The following SLC25A26 variants were observed in gnomAD, a reference collection of about 807,000 sequenced individuals.
SLC25A26 encodes solute carrier family 25 member 26, also known as mitochondrial S-adenosylmethionine carrier protein.
In SLC25A26, 36 loss-of-function variants were observed where a neutral mutation model predicts 37.8. The observed-to-expected ratio is 0.95, with a 90% CI of 0.73 to 1.26. The LOEUF is 1.26. Ranked by LOEUF, SLC25A26 falls within the 50% of genes most tolerant of loss-of-function variation. The pLI is 0.00. For missense variants in SLC25A26, 390 were observed against 331.1 expected (o/e 1.18, Z -1.38); for synonymous variants, 129 against 122.5 (o/e 1.05, Z -0.35).
At chr3:66,211,941 C>T (rs2071289488) in intron 1 of SLC25A26, among the ~76,000 whole-genome samples, 1 of 152,168 alleles carries the variant, frequency 6.6e-6, no homozygotes, top group Non-Finnish European at 1.5e-5. Context: ...TCATCTTCCC[C>T]AACTGATACT....
intron 5 of SLC25A26, among the ~76,000 whole-genome samples, chr3:66,326,621 C>T (rs999642072): frequency 6.6e-6 from 1 of 152,200 alleles, no homozygotes; most frequent in Admixed American, 6.5e-5. Context: ...GGTTCACCTC[C>T]AGTTTCATGC....
intron 5 of SLC25A26, among the ~76,000 whole-genome samples, chr3:66,312,214 G>A (rs1010593844): frequency 6.6e-6 from 1 of 152,228 alleles, no homozygotes; most frequent in African/African-American, 2.4e-5. Context: ...TAGAGAGGCA[G>A]TCTGGCTACT....
chr3:66,162,683 A>G (rs2070377225), intron 1 of SLC25A26, among the ~76,000 whole-genome samples: 2 of 152,226 alleles, frequency 1.3e-5, no homozygotes, highest in Admixed American at 6.5e-5. Context: ...TTAAATTAAC[A>G]TGATATCTAA....
chr3:66,160,152 G>A (rs889986622), intron 1 of SLC25A26, among the ~76,000 whole-genome samples: 1 of 152,066 alleles, frequency 6.6e-6, no homozygotes, highest in Admixed American at 6.6e-5. Flanking sequence ...ACAGTCATGC[G>A]CCACCACACC....
At chr3:66,297,278 A>C (rs2074933506) in intron 5 of SLC25A26, among the ~76,000 whole-genome samples, 1 of 150,380 alleles carries the variant, frequency 6.6e-6, no homozygotes, top group East Asian at 2.0e-4. Flanking sequence ...CAGTGAGCCA[A>C]GATCGTGCCA....
At chr3:66,147,685 A>G (rs1330264710) in intron 1 of SLC25A26, among the ~76,000 whole-genome samples, 1 of 152,186 alleles carries the variant, frequency 6.6e-6, no homozygotes, top group African/African-American at 2.4e-5. Flanking sequence ...CAGAGGTTGT[A>G]CTAATTTACA....
At chr3:66,328,044 A>T (rs924965842) in intron 5 of SLC25A26, among the ~76,000 whole-genome samples, 3 of 152,120 alleles carry the variant, frequency 2.0e-5, no homozygotes, top group African/African-American at 7.2e-5. Context: ...TTAAGAAGCA[A>T]GATGGTTTTA....
chr3:66,284,424 A>G (rs1364977358), intron 5 of SLC25A26, among the ~76,000 whole-genome samples: 1 of 152,198 alleles, frequency 6.6e-6, no homozygotes, highest in Non-Finnish European at 1.5e-5. Flanking sequence ...GTTTCATATG[A>G]TACAGTAAAA....
chr3:66,168,200 T>TATATATATACACAC, intron 1 of SLC25A26, among the ~76,000 whole-genome samples: 1 of 115,492 alleles, frequency 8.7e-6, no homozygotes. Context: ...TATATATATA[T>TATATATATACACAC]ACACACACAC....
chr3:66,297,106 C>T (rs1416093959), intron 5 of SLC25A26, among the ~76,000 whole-genome samples: 1 of 152,110 alleles, frequency 6.6e-6, no homozygotes, highest in Non-Finnish European at 1.5e-5. Flanking sequence ...GGGTGGATCA[C>T]CTGAGGTCAG....
chr3:66,345,819 T>C (rs1287472298), intron 5 of SLC25A26, among the ~76,000 whole-genome samples: 2 of 152,214 alleles, frequency 1.3e-5, no homozygotes, highest in Non-Finnish European at 2.9e-5. Context: ...TATTTTGTCA[T>C]TTCAGTAGCC....
intron 1 of SLC25A26, among the ~76,000 whole-genome samples, chr3:66,227,778 C>A (rs143373316): frequency 1.3e-5 from 2 of 152,138 alleles, no homozygotes; most frequent in African/African-American, 4.8e-5. Context: ...CTGCTGAGAA[C>A]CACCTTACAG....
chr3:66,245,171 G>T (rs2072771281), intron 3 of SLC25A26, among the ~76,000 whole-genome samples: 1 of 149,022 alleles, frequency 6.7e-6, no homozygotes, highest in African/African-American at 2.5e-5. Flanking sequence ...GCCTCCCAAA[G>T]TACTGGGATC....
At chr3:66,135,691 C>T (rs1462868132) in intron 1 of SLC25A26, among the ~76,000 whole-genome samples, 1 of 152,106 alleles carries the variant, frequency 6.6e-6, no homozygotes, top group African/African-American at 2.4e-5. Flanking sequence ...CTCTCTTGAG[C>T]CTGGGAGGTT....
intron 1 of SLC25A26, among the ~76,000 whole-genome samples, chr3:66,162,276 G>A (rs924381675): frequency 6.7e-6 from 1 of 148,490 alleles, no homozygotes. Flanking sequence ...CTCTTTAAAG[G>A]CCCCGTCTCC....
intron 1 of SLC25A26, among the ~76,000 whole-genome samples, chr3:66,179,960 T>A (rs1011771618): frequency 6.6e-6 from 1 of 152,196 alleles, no homozygotes; most frequent in South Asian, 2.1e-4. Flanking sequence ...AGTTCTGAAG[T>A]CTGATACTGT....
At chr3:66,245,299 G>A (rs1451265452) in intron 3 of SLC25A26, among the ~76,000 whole-genome samples, 1 of 149,018 alleles carries the variant, frequency 6.7e-6, no homozygotes, top group South Asian at 2.1e-4. Context: ...GAGGAGAAAT[G>A]TATAATACAA....
At chr3:66,312,890 A>T (rs958696113) in intron 5 of SLC25A26, among the ~76,000 whole-genome samples, 3 of 152,040 alleles carry the variant, frequency 2.0e-5, no homozygotes, top group Non-Finnish European at 4.4e-5. Context: ...TGCAGAAATC[A>T]CCCACCTTCT....
At chr3:66,161,161 T>TAA (rs367585131) in intron 1 of SLC25A26, among the ~76,000 whole-genome samples, 16 of 140,106 alleles carry the variant, frequency 1.1e-4, no homozygotes, top group East Asian at 1.0e-3. Flanking sequence ...GTTGTTGTTG[T>TAA]AAAAAAAAAA....
Sources: gnomAD v4.1 joint callset for allele counts (sites outside exome capture counted in the v4.1 genomes callset) on GRCh38, gnomAD v4.1.1 for gene constraint, MANE v1.5 for transcripts, NCBI Gene and HGNC (gene_info 2026-07-23, HGNC 2026-07-21) for gene names.